PODNL1: variants seen among roughly 807,000 people sequenced by gnomAD.
The protein encoded by PODNL1 is podocan like 1, also known as podocan-like protein 1.
A neutral mutation model predicts 45.1 loss-of-function variants in PODNL1; 50 were observed. That is an observed-to-expected ratio of 1.11 (90% CI 0.88 to 1.40). The LOEUF (loss-of-function observed/expected upper bound fraction) is 1.40. Among genes scored for constraint, PODNL1 ranks in the 40% most tolerant of loss-of-function variants. PODNL1 has a pLI of 0.00. For synonymous variants in PODNL1, 406 were observed against 372.5 expected (o/e 1.09, Z -1.04); for missense variants, 788 against 793.3 (o/e 0.99, Z 0.08).
rs1251515020 is a variant in PODNL1 at position 13,933,905 on chromosome 19, T to TAG, written c.739_740insCT (p.Asp247AlafsTer26). 1 of 1,611,340 alleles carries TAG rather than the reference T, an allele frequency of 6.2e-7. No homozygotes were observed. Among genetic ancestry groups the TAG allele is most frequent in the Non-Finnish European group, 8.5e-7 (1 of 1,178,902 alleles). On this transcript the variant is annotated frameshift_variant, in exon 7 of 10. Coordinates refer to ENST00000588872, the MANE Select transcript of PODNL1 (RefSeq NM_001370095.3). LOFTEE classifies it high-confidence loss of function. This position sits in a 1 kb window ranked among gnomAD's most constrained non-coding sequence, Gnocchi z 5.2. ...GAAGGTGGTGGCATCCAGGCCACTG[T>TAG]CTGTCAGCTGGTTGTGCTGGAGGTA...
intron 2 of PODNL1, 100 bp from the exon 3 acceptor site, chr19:13,936,560 C>G: frequency 1.2e-6 from 1 of 848,370 alleles, no homozygotes; most frequent in Non-Finnish European, 2.0e-6. Context: ...CAGCCCCATA[C>G]CATCATCACC....
At chr19:13,943,493 G>T (rs1053754165) in intron 1 of PODNL1, among the ~76,000 whole-genome samples, 1 of 151,826 alleles carries the variant, frequency 6.6e-6, no homozygotes, top group African/African-American at 2.4e-5. Flanking sequence ...ATGGAGTCTC[G>T]CTCTGTTGCT....
chr19:13,947,487 A>G (rs1972862536), intron 1 of PODNL1, among the ~76,000 whole-genome samples: 1 of 152,128 alleles, frequency 6.6e-6, no homozygotes, highest in East Asian at 1.9e-4. Flanking sequence ...ACCTCAAAAA[A>G]AAAAAGAAAA....
Position 13,933,858 on chromosome 19 carries a change from G to A in PODNL1, c.767+20C>T. ...CGACTGTAAATTCTCAGCCCCTGCT[G>A]CCCCCCAACCAGCCTGTACCTGAAG... On this transcript the variant is annotated intron_variant, in intron 7 of 9. Transcript: ENST00000588872. This position sits in a 1 kb window ranked among gnomAD's most constrained non-coding sequence, Gnocchi z 5.2. The A allele has an allele frequency of 1.3e-6, 2 of 1,572,038 alleles. No individual in the cohort carries two copies. Among genetic ancestry groups the A allele is most frequent in the South Asian group, 2.3e-5 (2 of 86,042 alleles).
intron 1 of PODNL1, among the ~76,000 whole-genome samples, chr19:13,947,011 A>C (rs1043105611): frequency 6.7e-6 from 1 of 148,256 alleles, no homozygotes; most frequent in African/African-American, 2.5e-5. Flanking sequence ...TGATCACACC[A>C]CTGCACTCCA....
upstream of PODNL1, among the ~76,000 whole-genome samples, chr19:13,939,742 G>A (rs964008247): frequency 1.3e-5 from 2 of 151,910 alleles, no homozygotes; most frequent in Admixed American, 6.6e-5. Flanking sequence ...AAAATTAGCT[G>A]GGCATGATGG....
At chr19:13,938,521 TTCG>T (rs1972531829), upstream of PODNL1, 4 of 1,133,560 alleles carry the variant, frequency 3.5e-6, no homozygotes, top group East Asian at 1.8e-4. Context: ...AAAGCTGAGA[TTCG>T]TCCTGTCTGG....
chr19:13,937,699 G>T (rs901266235), intron 2 of PODNL1, 86 bp downstream of exon 2: 14 of 1,267,064 alleles, frequency 1.1e-5, no homozygotes, highest in Non-Finnish European at 1.3e-5. Context: ...ACCCCACCAC[G>T]CTCCTCAGCT....
rs1972148118 is a variant in PODNL1 at position 13,934,003 on chromosome 19, G to GA, written c.652-11dup. 6.3e-7 allele frequency: 1 copy of GA among 1,590,134 alleles called. No homozygotes were observed. Among genetic ancestry groups the GA allele is most frequent in the African/African-American group, 1.3e-5 (1 of 74,430 alleles). On this transcript the variant is annotated splice_polypyrimidine_tract_variant and intron_variant, in intron 6 of 9. Transcript: ENST00000588872. ...TGGAGATGAGATTGTTCTGGAGAAG[G>GA]AAGAAGAGAATGAGACTTGAGTCTG...
At chr19:13,934,969 T>C (rs1972241105) in intron 5 of PODNL1, among the ~76,000 whole-genome samples, 2 of 151,816 alleles carry the variant, frequency 1.3e-5, no homozygotes, top group African/African-American at 4.8e-5. Flanking sequence ...TGTGTGCTTG[T>C]GTGTGCATGT....
chr19:13,943,484 T>C (rs8109797), intron 1 of PODNL1, among the ~76,000 whole-genome samples: 8,101 of 151,994 alleles, frequency 0.053, 675 homozygotes, highest in African/African-American at 0.18. Flanking sequence ...ATTTTTGAGA[T>C]GGAGTCTCGC....
intron 8 of PODNL1, chr19:13,932,385 A>G (rs901420040): frequency 4.3e-5 from 21 of 487,018 alleles, no homozygotes; most frequent in Non-Finnish European, 6.8e-5. Context: ...TTCAAGAGAC[A>G]GGGTCTTGCT....
chr19:13,932,652 A>G (rs1972025675), intron 8 of PODNL1, 146 bp downstream of exon 8: 2 of 1,546,072 alleles, frequency 1.3e-6, no homozygotes, highest in Non-Finnish European at 1.7e-6. Context: ...CACCTCACCC[A>G]GCCTCCTCAT....
intron 1 of PODNL1, among the ~76,000 whole-genome samples, chr19:13,948,376 T>G (rs1373211882): frequency 6.7e-6 from 1 of 149,884 alleles, no homozygotes; most frequent in East Asian, 2.0e-4. Flanking sequence ...AATTTTTTTT[T>G]TTTTTTTTGT....
intron 1 of PODNL1, chr19:13,949,402 G>C (rs972034967): frequency 3.9e-5 from 6 of 151,946 alleles, no homozygotes; most frequent in African/African-American, 1.5e-4. Flanking sequence ...AAACTCCTGG[G>C]CACAAGGGAT....
At chr19:13,934,525 G>GTGCGCGC in intron 5 of PODNL1, 115 bp from the exon 6 acceptor site, 2 of 1,069,332 alleles carry the variant, frequency 1.9e-6, no homozygotes, top group Non-Finnish European at 2.6e-6. Context: ...GTGTGTGTGT[G>GTGCGCGC]TGCGCGCGCA....
chr19:13,949,442 GACTACAGACGTGCT>G (rs1972929354), intron 1 of PODNL1: 1 of 151,672 alleles, frequency 6.6e-6, no homozygotes, highest in African/African-American at 2.4e-5. Context: ...ACGTACATAG[GACTACAGACGTGCT>G]ACCACACACC....
chr19:13,952,373 T>G lies in PODNL1; in HGVS notation c.18+746A>C, dbSNP rs564820972. On this transcript the variant is annotated intron_variant, in intron 1 of 7. Transcript: ENST00000538371. ...TGTCGCTACCAATCAAGAGTCGAGA[T>G]GGCTTTGATGGACAGGCATAGCGCG... 9 of 1,134,032 alleles carry G rather than the reference T, an allele frequency of 7.9e-6. No individual in the cohort carries two copies. In the East Asian group the frequency reaches 2.9e-4, roughly 36 times the overall value. The allele number at this position is 1,134,032 out of a possible 1,614,324, so 70.2% of individuals were successfully genotyped here. A position where few individuals can be genotyped will look rare whatever the true frequency, so the allele number is the denominator to read the frequency against.
chr19:13,932,939 C>A lies in PODNL1; in HGVS notation c.1284G>T (p.Gln428His). Residue 428 changes from glutamine (Q) to histidine (H), a missense_variant, in exon 8 of 10, where the codon CAG (glutamine) becomes CAT (histidine). Gln to His is a conservative substitution (Grantham distance 24). Transcript: ENST00000588872. The stretch of plus-strand genomic sequence containing the variant: ...GCATCCGCAGCTGGTTGCGTTGCAG[C>A]TGCAGGGTGCGCAGGCCAGTGGGCA... ...MGLPTGLRTL[Q>H]LQRNQLRMLE... 6.4e-7 allele frequency: 1 copy of A among 1,566,430 alleles called. No homozygotes were observed. Among genetic ancestry groups the A allele is most frequent in the East Asian group, 2.3e-5 (1 of 42,560 alleles).
Sources: allele counts gnomAD v4.1 joint callset (sites outside exome capture counted in the v4.1 genomes callset), GRCh38; gene constraint gnomAD v4.1.1; non-coding constraint Gnocchi (gnomAD v3.1); transcripts MANE v1.5; gene names NCBI Gene and HGNC (gene_info 2026-07-23, HGNC 2026-07-21).